XYLT1: variants seen among roughly 807,000 people sequenced by gnomAD.
The protein encoded by XYLT1 is beta-D-xylosyltransferase 1.
A neutral mutation model predicts 91.3 loss-of-function variants in XYLT1; 36 were observed. The ratio of observed to expected loss-of-function variants is 0.39; its 90% confidence interval spans 0.30 to 0.52. The LOEUF (loss-of-function observed/expected upper bound fraction) is 0.52. Among genes scored for constraint, XYLT1 ranks in the 20% least tolerant of loss-of-function variants. The pLI is 0.68. For missense variants in XYLT1, 1,242 were observed against 1,284.5 expected (o/e 0.97, Z 0.51); for synonymous variants, 588 against 532.0 (o/e 1.11, Z -1.45).
intron 1 of XYLT1, among the ~76,000 whole-genome samples, chr16:17,415,812 G>A (rs1393204204): frequency 6.6e-6 from 1 of 152,214 alleles, no homozygotes. Flanking sequence ...TGCTGTGCAT[G>A]CAGTGTGTCA....
At chr16:17,272,054 G>A (rs1003054359) in intron 2 of XYLT1, among the ~76,000 whole-genome samples, 4 of 151,900 alleles carry the variant, frequency 2.6e-5, no homozygotes, top group African/African-American at 9.7e-5. Flanking sequence ...TAGGGTTCCC[G>A]CTAGGGAAGG....
chr16:17,389,172 T>C (rs1373332047), intron 1 of XYLT1, among the ~76,000 whole-genome samples: 2 of 152,240 alleles, frequency 1.3e-5, no homozygotes. Context: ...TTCAGCATTG[T>C]TGATCCCCAA....
At chr16:17,124,294 T>G (rs1164548357) in intron 10 of XYLT1, among the ~76,000 whole-genome samples, 2 of 152,374 alleles carry the variant, frequency 1.3e-5, no homozygotes, top group East Asian at 3.9e-4. Context: ...ACAGCTCCTT[T>G]TAGCAGTTCT....
chr16:17,226,091 A>C (rs1270626586), intron 3 of XYLT1, among the ~76,000 whole-genome samples: 3 of 152,200 alleles, frequency 2.0e-5, no homozygotes, highest in African/African-American at 7.2e-5. Context: ...ACTGAGAACT[A>C]TTATCCTTGG....
At chr16:17,427,826 G>C (rs1046590257) in intron 1 of XYLT1, among the ~76,000 whole-genome samples, 12 of 151,570 alleles carry the variant, frequency 7.9e-5, no homozygotes, top group Non-Finnish European at 1.0e-4. Context: ...AATACAAAAA[G>C]GTTTTTTTTT....
chr16:17,372,488 T>C (rs992656695), intron 1 of XYLT1, among the ~76,000 whole-genome samples: 1 of 152,198 alleles, frequency 6.6e-6, no homozygotes, highest in East Asian at 1.9e-4. Context: ...ATACATTAGA[T>C]AGCTTCCATC....
chr16:17,412,961 G>A (rs952507360), intron 1 of XYLT1, among the ~76,000 whole-genome samples: 4 of 152,112 alleles, frequency 2.6e-5, no homozygotes, highest in African/African-American at 7.2e-5. Context: ...TGACTTCTGC[G>A]ACCAATATAG....
chr16:17,336,086 T>C (rs924956107), intron 2 of XYLT1, among the ~76,000 whole-genome samples: 6 of 152,182 alleles, frequency 3.9e-5, no homozygotes, highest in Non-Finnish European at 7.3e-5. Context: ...CCCAGGTGTG[T>C]GCACAGCATG....
intron 8 of XYLT1, among the ~76,000 whole-genome samples, chr16:17,135,201 C>T (rs889233609): frequency 2.0e-5 from 3 of 152,128 alleles, no homozygotes; most frequent in Non-Finnish European, 4.4e-5. Context: ...AACCCCAGGC[C>T]CACACTCCAC....
At chr16:17,291,150 C>G (rs1408048476) in intron 2 of XYLT1, among the ~76,000 whole-genome samples, 1 of 152,134 alleles carries the variant, frequency 6.6e-6, no homozygotes, top group Non-Finnish European at 1.5e-5. Context: ...TGGGCACCAC[C>G]ACACCCAGCT....
chr16:17,395,823 C>A (rs1328621694), intron 1 of XYLT1, among the ~76,000 whole-genome samples: 1 of 152,098 alleles, frequency 6.6e-6, no homozygotes, highest in African/African-American at 2.4e-5. Flanking sequence ...CTTCAGGGAC[C>A]CTTCGGGGAA....
intron 2 of XYLT1, among the ~76,000 whole-genome samples, chr16:17,324,580 T>C (rs780544083): frequency 2.0e-5 from 3 of 152,280 alleles, no homozygotes; most frequent in Non-Finnish European, 4.4e-5. Flanking sequence ...GCTGAAAGCT[T>C]GTCCTTCGTT....
At chr16:17,281,379 C>T (rs1567354753) in intron 2 of XYLT1, among the ~76,000 whole-genome samples, 1 of 152,170 alleles carries the variant, frequency 6.6e-6, no homozygotes, top group Non-Finnish European at 1.5e-5. Context: ...CTCCATGGTA[C>T]TCTGTGGACC....
At chr16:17,131,379 G>T (rs1014198770) in intron 9 of XYLT1, among the ~76,000 whole-genome samples, 1 of 152,130 alleles carries the variant, frequency 6.6e-6, no homozygotes, top group African/African-American at 2.4e-5. Flanking sequence ...TTGGCCCAAA[G>T]CTGTTTTTCT....
At chr16:17,438,552 T>A (rs540629200) in intron 1 of XYLT1, among the ~76,000 whole-genome samples, 57 of 152,246 alleles carry the variant, frequency 3.7e-4, no homozygotes, top group Admixed American at 8.5e-4. Flanking sequence ...CTACCAGCGT[T>A]CACATCTGTA....
At position 17,182,109 on chromosome 16, in the gene XYLT1, T is replaced by C. The variant is rs544428167; in HGVS notation, c.1289+16103A>G. Reference sequence around the variant, plus strand: ...TGATGGGTAGCATGGTCATGCCCTCTCACAGGTGAGAAAAAGGAGACTCAC... The same window carrying C: ...TGATGGGTAGCATGGTCATGCCCTCCCACAGGTGAGAAAAAGGAGACTCAC... On this transcript the variant is annotated intron_variant, in intron 5 of 11. Transcript: ENST00000261381. Among the ~76,000 whole-genome samples, 303 of 152,310 alleles carry C rather than the reference T, an allele frequency of 2.0e-3. 1 individual carries two copies. Among genetic ancestry groups the C allele is most frequent in the African/African-American group, 7.1e-3 (294 of 41,574 alleles).
chr16:17,382,915 T>C (rs2035699817), intron 1 of XYLT1, among the ~76,000 whole-genome samples: 1 of 151,740 alleles, frequency 6.6e-6, no homozygotes, highest in Non-Finnish European at 1.5e-5. Context: ...ATACTCAAGG[T>C]CACAGTCACT....
At chr16:17,205,844 C>T (rs1161246952) in intron 3 of XYLT1, among the ~76,000 whole-genome samples, 2 of 152,168 alleles carry the variant, frequency 1.3e-5, no homozygotes, top group African/African-American at 4.8e-5. Flanking sequence ...ACAAAGCCCT[C>T]GATTCTATTT....
intron 2 of XYLT1, among the ~76,000 whole-genome samples, chr16:17,308,443 C>G (rs1390373075): frequency 1.3e-5 from 2 of 152,214 alleles, no homozygotes; most frequent in African/African-American, 2.4e-5. Flanking sequence ...GATTACTTCC[C>G]TTCTCCTTAG....
Sources: allele counts gnomAD v4.1 joint callset (sites outside exome capture counted in the v4.1 genomes callset), GRCh38; gene constraint gnomAD v4.1.1; transcripts MANE v1.5; gene names NCBI Gene and HGNC (gene_info 2026-07-23, HGNC 2026-07-21).